Variants in SCN9A observed in about 807,000 individuals in gnomAD.
The protein encoded by SCN9A is sodium channel protein type 9 subunit alpha.
A neutral mutation model predicts 187.0 loss-of-function variants in SCN9A; 131 were observed. The observed-to-expected ratio is 0.70, with a 90% CI of 0.61 to 0.81. The LOEUF (loss-of-function observed/expected upper bound fraction) is 0.81. Ranked by LOEUF, SCN9A falls within the 30% of genes least tolerant of loss-of-function variation. The probability of loss-of-function intolerance (pLI) is 0.00; values close to 1 mark genes in which losing one functional copy is unlikely to be tolerated. For missense variants in SCN9A, 2,252 were observed against 2,396.6 expected, an observed-to-expected ratio of 0.94 and a Z score of 1.26; for synonymous variants, 809 against 808.6, an observed-to-expected ratio of 1.00 and a Z score of -0.01.
intron 20 of SCN9A, among the ~76,000 whole-genome samples, chr2:166,234,674 T>G (rs1193996967): frequency 6.6e-6 from 1 of 152,144 alleles, no homozygotes; most frequent in Non-Finnish European, 1.5e-5. Context: ...ACTCTTAAAT[T>G]TGCCCAGTCA....
At chr2:166,340,218 A>T (rs902671320) in intron 1 of SCN9A, among the ~76,000 whole-genome samples, 2 of 152,176 alleles carry the variant, frequency 1.3e-5, no homozygotes, top group African/African-American at 4.8e-5. Context: ...TGAGAAATAT[A>T]ATCTATAATT....
rs147868338 is a variant in SCN9A, at chr2:166,211,285, T to C, written c.4399-6821A>G. On this transcript the variant is annotated intron_variant, in intron 24 of 26. Coordinates refer to ENST00000642356, the MANE Select transcript of SCN9A (RefSeq NM_001365536.1). The stretch of plus-strand genomic sequence containing the variant: ...AAAAAACTGCTGACCAAGAATAATA[T>C]ACCTGGAAAAACTGTCCTTTAAAAT... Among the ~76,000 whole-genome samples the C allele has an allele frequency of 1.3e-4, 20 of 152,122 alleles. No homozygotes were observed. The East Asian group carries it at 3.7e-3, about 28-fold the overall frequency.
rs2106332100 is a variant in SCN9A, at chr2:166,195,405, A to C, written c.*3267T>G. On this transcript the variant is annotated 3_prime_UTR_variant, in exon 27 of 27. Coordinates refer to ENST00000642356, the MANE Select transcript of SCN9A (RefSeq NM_001365536.1). The stretch of plus-strand genomic sequence containing the variant: ...TCTTGATTGTTTTCCTCAAGAAGAT[A>C]ATAACATAATAAACCACAGATATTT... The C allele has an allele frequency of 6.6e-6, 1 of 152,302 alleles. No homozygotes were observed. Among genetic ancestry groups the C allele is most frequent in the African/African-American group, 2.4e-5 (1 of 41,568 alleles). The allele number at this position is 152,302 out of a possible 1,614,324, so 9.4% of individuals were successfully genotyped here.
intron 26 of SCN9A, among the ~76,000 whole-genome samples, chr2:166,202,667 T>C (rs1049591443): frequency 3.3e-5 from 5 of 151,806 alleles, no homozygotes; most frequent in Admixed American, 3.3e-4. Context: ...CTTTCTTTTA[T>C]ATCCTAAAGT....
intron 7 of SCN9A, among the ~76,000 whole-genome samples, chr2:166,299,088 C>T (rs953071190): frequency 3.3e-5 from 5 of 152,108 alleles, no homozygotes; most frequent in African/African-American, 7.2e-5. Context: ...GTGGAGCTGT[C>T]GCTCCCCTTT....
chr2:166,211,095 A>G (rs1439121279), intron 24 of SCN9A, among the ~76,000 whole-genome samples: 6 of 152,106 alleles, frequency 3.9e-5, no homozygotes, highest in African/African-American at 1.4e-4. Flanking sequence ...CACTAGAGAC[A>G]TAATATCATC....
At chr2:166,300,357 C>T (rs1367758861) in intron 7 of SCN9A, among the ~76,000 whole-genome samples, 1 of 150,820 alleles carries the variant, frequency 6.6e-6, no homozygotes, top group African/African-American at 2.5e-5. Flanking sequence ...CAGCACCCCC[C>T]ACACATAGAC....
rs200311176 is a variant in SCN9A, at chr2:166,197,356, C to T, written c.*1316G>A. 2 of 152,080 alleles carry T rather than the reference C, an allele frequency of 1.3e-5. No homozygotes were observed. Among genetic ancestry groups the T allele is most frequent in the Non-Finnish European group, 2.9e-5 (2 of 67,974 alleles). 9.4% of individuals were successfully genotyped at this position (152,080 alleles called of 1,614,324 possible). A position where few individuals can be genotyped will look rare whatever the true frequency, so the allele number is the denominator to read the frequency against. The stretch of plus-strand genomic sequence containing the variant: ...CTTGATAAATTAGAAGCCCATGGTA[C>T]TGTGTTGATTGAGGCAAAATATATT... On this transcript the variant is annotated 3_prime_UTR_variant, in exon 27 of 27. Coordinates refer to ENST00000642356, the MANE Select transcript of SCN9A (RefSeq NM_001365536.1).
chr2:166,199,699 A>G lies in SCN9A; in HGVS notation c.4940T>C (p.Ile1647Thr), dbSNP rs769855186. The G allele has an allele frequency of 1.2e-6, 2 of 1,614,136 alleles. No individual in the cohort carries two copies. Among genetic ancestry groups the G allele is most frequent in the Non-Finnish European group, 8.5e-7 (1 of 1,180,024 alleles). The change falls in exon 27 of 27, where the codon ATC (isoleucine) becomes ACC (threonine). Residue 1647 changes from isoleucine (I) to threonine (T), a missense_variant. This residue lies in a region of SCN9A where 84 missense variants were observed against 134.2 expected (regional missense o/e 0.63). Coordinates refer to ENST00000642356, the MANE Select transcript of SCN9A (RefSeq NM_001365536.1). ...CATGACCAGGAAGAGCAGGAGGCCGATGTTAAACAACGCAGGAAGGGACAT... is the reference window on the plus strand; with the variant it reads ...CATGACCAGGAAGAGCAGGAGGCCGGTGTTAAACAACGCAGGAAGGGACAT... Reference protein sequence around the residue: ...LMMSLPALFNIGLLLFLVMFI... With the variant: ...LMMSLPALFNTGLLLFLVMFI...
At chr2:166,266,106 C>T (rs1415185885) in intron 17 of SCN9A, among the ~76,000 whole-genome samples, 1 of 151,816 alleles carries the variant, frequency 6.6e-6, no homozygotes, top group Non-Finnish European at 1.5e-5. Flanking sequence ...GTTGCCTGTG[C>T]TTTTTAGGTT....
Sources: allele counts gnomAD v4.1 joint callset (sites outside exome capture counted in the v4.1 genomes callset), GRCh38; gene constraint gnomAD v4.1.1; regional missense constraint gnomAD v4.1.1; transcripts MANE v1.5; gene names NCBI Gene and HGNC (gene_info 2026-07-23, HGNC 2026-07-21).